The following TPM4 variants were observed in gnomAD, a reference collection of about 807,000 sequenced individuals.
TPM4 encodes the protein tropomyosin 4, also known as tropomyosin alpha-4 chain.
A neutral mutation model predicts 35.8 loss-of-function variants in TPM4; 17 were observed. That is an observed-to-expected ratio of 0.47 (90% CI 0.32 to 0.71). The LOEUF is 0.71. TPM4 is among the 30% of genes least tolerant of loss of function. TPM4 has a pLI of 0.03. For synonymous variants in TPM4, 120 were observed against 122.9 expected, an observed-to-expected ratio of 0.98 and a Z score of 0.15; for missense variants, 240 against 320.9, an observed-to-expected ratio of 0.75 and a Z score of 1.93.
intron 7 of TPM4, among the ~76,000 whole-genome samples, chr19:16,097,039 C>T (rs146322506): frequency 3.2e-3 from 428 of 134,836 alleles, no homozygotes; most frequent in African/African-American, 0.011. Context: ...CTGCAACCTC[C>T]GCCTCCTGGG....
chr19:16,070,604 G>A lies in TPM4; in HGVS notation c.114+2866G>A, dbSNP rs1172395393. On this transcript the variant is annotated intron_variant, in intron 2 of 2. Coordinates refer to the TPM4 transcript ENST00000589897. The surrounding 1 kb of genome is among the most constrained non-coding windows in gnomAD (Gnocchi z 7.4). The stretch of plus-strand genomic sequence containing the variant: ...GCCTGCATGAGTGAGATACGGAAGT[G>A]ACAGTAGGGCCTCCCTTGCCACCCC... Among the ~76,000 whole-genome samples the A allele has an allele frequency of 6.6e-6, 1 of 152,214 alleles. No individual in the cohort carries two copies. Among genetic ancestry groups the A allele is most frequent in the East Asian group, 1.9e-4 (1 of 5,196 alleles).
At chr19:16,080,816 A>T in intron 1 of TPM4, 1 of 379,380 alleles carries the variant, frequency 2.6e-6, no homozygotes, top group Non-Finnish European at 4.7e-6. Context: ...CTCAAAAAAA[A>T]AATTAAAAAG....
intron 7 of TPM4, chr19:16,100,324 G>A (rs1029831068): frequency 2.0e-5 from 3 of 152,140 alleles, no homozygotes; most frequent in African/African-American, 7.2e-5. Flanking sequence ...GATAAGCAAT[G>A]AATAATTTTT....
intron 7 of TPM4, among the ~76,000 whole-genome samples, chr19:16,099,054 T>TC (rs2090734021): frequency 6.9e-6 from 1 of 144,978 alleles, no homozygotes; most frequent in Non-Finnish European, 1.5e-5. Context: ...TCCTCCCAGG[T>TC]CATAGTCACT....
chr19:16,091,932 G>A (rs759843426), intron 5 of TPM4, among the ~76,000 whole-genome samples: 2 of 152,064 alleles, frequency 1.3e-5, no homozygotes, highest in East Asian at 1.9e-4. Context: ...TTGGGAGGCC[G>A]AGGCAGGCGG....
intron 7 of TPM4, chr19:16,095,305 G>T: frequency 9.6e-7 from 1 of 1,036,874 alleles, no homozygotes; most frequent in Non-Finnish European, 1.2e-6. Context: ...AGCTATCAGC[G>T]AGGAACTGGA....
chr19:16,076,664 G>A lies in TPM4; in HGVS notation c.99G>A (p.Arg33=). The change falls in exon 1 of 8, where the codon CGG becomes CGA. Residue 33 remains arginine, a synonymous_variant. Transcript: ENST00000643579. ...EAEDRAQGLQ[R]ELDGERERRE... Reference sequence around the variant, plus strand: ...AAGACCGCGCGCAGGGCCTGCAGCGGGAGCTGGACGGCGAGCGCGAGCGGC... The same window carrying A: ...AAGACCGCGCGCAGGGCCTGCAGCGAGAGCTGGACGGCGAGCGCGAGCGGC... The A allele has an allele frequency of 2.1e-6, 3 of 1,402,236 alleles. No individual in the cohort carries two copies. The highest frequency in any genetic ancestry group is 2.8e-6 in the Non-Finnish European group (3 of 1,082,114). The allele number at this position is 1,402,236 out of a possible 1,614,324, so 86.9% of individuals were successfully genotyped here. A position where few individuals can be genotyped will look rare whatever the true frequency, so the allele number is the denominator to read the frequency against.
chr19:16,075,078 C>T (rs116247809), upstream of TPM4: 3,414 of 151,632 alleles, frequency 0.023, 115 homozygotes, highest in African/African-American at 0.073. Context: ...GGTGACAGAG[C>T]GAGACTCTCA....
chr19:16,101,126 G>A (rs780669695), intron 7 of TPM4, 138 bp from the exon 8 acceptor site: 10 of 581,692 alleles, frequency 1.7e-5, no homozygotes, highest in African/African-American at 2.0e-5. Flanking sequence ...AGCCAAGATC[G>A]CGCCACTGCA....
At chr19:16,076,365 C>T (rs1055861459), upstream of TPM4, 201 of 1,440,738 alleles carry the variant, frequency 1.4e-4, no homozygotes, top group Non-Finnish European at 1.1e-4. Context: ...GTCAGGCCCT[C>T]CCCCAGCGGT....
Position 16,070,693 on chromosome 19 carries a change from C to A in TPM4, c.114+2955C>A, listed in dbSNP as rs2090348093. On this transcript the variant is annotated intron_variant, in intron 2 of 2. Coordinates refer to the TPM4 transcript ENST00000589897. The surrounding 1 kb of genome is among the most constrained non-coding windows in gnomAD (Gnocchi z 7.4). Reference sequence around the variant, plus strand: ...GGCCCGGAGCCTAGCTCAGAGTAAGCACTCAATAAATGTAGGTTGATTTCC... The same window carrying A: ...GGCCCGGAGCCTAGCTCAGAGTAAGAACTCAATAAATGTAGGTTGATTTCC... Among the ~76,000 whole-genome samples, 1 of 152,208 alleles carries A rather than the reference C, an allele frequency of 6.6e-6. No individual in the cohort carries two copies. The highest frequency in any genetic ancestry group is 1.5e-5 in the Non-Finnish European group (1 of 68,024).
intron 7 of TPM4, chr19:16,095,497 G>C: frequency 9.8e-7 from 1 of 1,021,188 alleles, no homozygotes; most frequent in Non-Finnish European, 1.2e-6. Flanking sequence ...ATAAAGACGG[G>C]CAGTCCTCCT....
intron 1 of TPM4, chr19:16,077,044 G>A (rs62116852): frequency 0.17 from 38,322 of 220,298 alleles, 3,901 homozygotes; most frequent in African/African-American, 0.29. Flanking sequence ...CTCCGGGGCT[G>A]GCGCCGGGGT....
chr19:16,075,374 C>G (rs1208123094), upstream of TPM4: 1 of 151,978 alleles, frequency 6.6e-6, no homozygotes, highest in African/African-American at 2.4e-5. Context: ...TGAACATGGC[C>G]TATATGCAAA....
At chr19:16,077,372 T>C (rs1421377697) in intron 1 of TPM4, 1 of 152,106 alleles carries the variant, frequency 6.6e-6, no homozygotes, top group African/African-American at 2.4e-5. Context: ...ACCCTGCCTC[T>C]CTCCAGAAGG....
upstream of TPM4, among the ~76,000 whole-genome samples, chr19:16,071,737 C>CAG (rs1177774741): frequency 1.3e-5 from 2 of 152,206 alleles, no homozygotes. Flanking sequence ...AGCCTGATCC[C>CAG]AGCAGCCAAG....
intron 7 of TPM4, among the ~76,000 whole-genome samples, chr19:16,098,878 C>T (rs1415528437): frequency 6.6e-6 from 1 of 151,964 alleles, no homozygotes; most frequent in African/African-American, 2.4e-5. Context: ...TTAACCATGC[C>T]AACGTGAACA....
At chr19:16,083,713 G>A (rs1208551161) in intron 2 of TPM4, among the ~76,000 whole-genome samples, 1 of 147,872 alleles carries the variant, frequency 6.8e-6, no homozygotes, top group Non-Finnish European at 1.5e-5. Flanking sequence ...ACTTGAGCCA[G>A]CCACCATGCT....
At chr19:16,100,546 G>A (rs572902435) in intron 7 of TPM4, 2 of 152,328 alleles carry the variant, frequency 1.3e-5, no homozygotes, top group Admixed American at 1.3e-4. Context: ...GACAGGCATG[G>A]TGGCTATAAC....
Sources: gnomAD v4.1 joint callset for allele counts (sites outside exome capture counted in the v4.1 genomes callset) on GRCh38, gnomAD v4.1.1 for gene constraint, Gnocchi (gnomAD v3.1) non-coding constraint, MANE v1.5 for transcripts, NCBI Gene and HGNC (gene_info 2026-07-23, HGNC 2026-07-21) for gene names.